Variants in INTS12 observed in about 807,000 individuals in gnomAD.
INTS12 encodes integrator complex subunit 12, also known as PHD finger protein 22.
INTS12 carries 13 observed loss-of-function variants against 41.6 expected under a neutral mutation model. That is an observed-to-expected ratio of 0.31 (90% confidence interval 0.20 to 0.50). INTS12 has a LOEUF of 0.50. Among genes scored for constraint, INTS12 ranks in the 20% least tolerant of loss-of-function variants. The pLI is 0.98. For synonymous variants in INTS12, 199 were observed against 191.4 expected (o/e 1.04, Z -0.33); for missense variants, 432 against 541.6 (o/e 0.80, Z 2.01).
Position 105,708,652 on chromosome 4 carries a change from C to T in INTS12, c.-186G>A. On this transcript the variant is annotated 5_prime_UTR_variant, in exon 1 of 8. Coordinates refer to ENST00000340139, the MANE Select transcript of INTS12 (RefSeq NM_020395.4). The stretch of plus-strand genomic sequence containing the variant: ...GCATAACTCACCGTTCCGCCCCGCC[C>T]TGCCGATCCGTCTGTTCCCGGTGGT... 1 of 965,064 alleles carries T rather than the reference C, an allele frequency of 1.0e-6. No individual in the cohort carries two copies. The highest frequency in any genetic ancestry group is 1.8e-5 in the African/African-American group (1 of 56,874). The allele number at this position is 965,064 out of a possible 1,614,324, so 59.8% of individuals were successfully genotyped here. A position where few individuals can be genotyped will look rare whatever the true frequency, so the allele number is the denominator to read the frequency against.
chr4:105,695,528 T>C lies in INTS12; in HGVS notation c.297A>G (p.Arg99=), dbSNP rs1731829749. 1 of 1,600,322 alleles carries C rather than the reference T, an allele frequency of 6.2e-7. No homozygotes were observed. Among genetic ancestry groups the C allele is most frequent in the Admixed American group, 1.8e-5 (1 of 56,126 alleles). Residue 99 remains arginine, a synonymous_variant, in exon 4 of 8, where the codon AGA becomes AGG. Transcript: ENST00000340139. Reference sequence around the variant, plus strand: ...AATAAAATCTTACTTTATCAGCAGGTCTCTTTTCAGCTTCCTTCTTTACCT... The same window carrying C: ...AATAAAATCTTACTTTATCAGCAGGCCTCTTTTCAGCTTCCTTCTTTACCT... ...TEKVKKEAEK[R]PADKMKSDIT...
chr4:105,704,131 ACT>A (rs1327066864), intron 1 of INTS12, among the ~76,000 whole-genome samples: 6 of 150,862 alleles, frequency 4.0e-5, no homozygotes, highest in African/African-American at 9.8e-5. Context: ...ATGCTTTTGT[ACT>A]CTTTTTCTTC....
intron 3 of INTS12, among the ~76,000 whole-genome samples, chr4:105,697,422 A>G (rs1731906782): frequency 1.3e-5 from 2 of 151,498 alleles, no homozygotes; most frequent in African/African-American, 4.8e-5. Context: ...CTGAGGGGGG[A>G]AGAGAAGAAA....
chr4:105,696,512 A>G (rs1336366320), intron 3 of INTS12, among the ~76,000 whole-genome samples: 1 of 152,136 alleles, frequency 6.6e-6, no homozygotes, highest in Non-Finnish European at 1.5e-5. Context: ...TTTGAGATTC[A>G]TCCATGTTGT....
intron 7 of INTS12, among the ~76,000 whole-genome samples, 197 bp downstream of exon 7, chr4:105,686,495 G>C (rs948861009): frequency 3.3e-5 from 5 of 152,118 alleles, no homozygotes; most frequent in Admixed American, 6.5e-5. Context: ...GTGATAAAAA[G>C]AAAAACAACA....
intron 6 of INTS12, chr4:105,687,103 A>T (rs1440057229): frequency 2.6e-6 from 1 of 390,242 alleles, no homozygotes; most frequent in Non-Finnish European, 4.6e-6. Context: ...TTTTAACAAG[A>T]TAAAATTGTT....
intron 2 of INTS12, among the ~76,000 whole-genome samples, chr4:105,703,352 G>A (rs1247170085): frequency 6.6e-6 from 1 of 152,186 alleles, no homozygotes; most frequent in Non-Finnish European, 1.5e-5. Context: ...GTATTGATAG[G>A]AGTGAATTCT....
At position 105,697,358 on chromosome 4, in the gene INTS12, G is replaced by A. The variant is rs1315928701; in HGVS notation, c.157-1690C>T. 2.0e-5 allele frequency among the ~76,000 whole-genome samples: 3 copies of A among 152,134 alleles called. No homozygotes were observed. In the East Asian group the frequency reaches 5.8e-4, roughly 29 times the overall value. On this transcript the variant is annotated intron_variant, in intron 3 of 7. Transcript: ENST00000340139. ...TATTTTACTGTGATAATATGTAAAAGTACAAAAGTATAAATGGGAATAATA... is the reference window on the plus strand; with the variant it reads ...TATTTTACTGTGATAATATGTAAAAATACAAAAGTATAAATGGGAATAATA...
intron 6 of INTS12, 99 bp downstream of exon 6, chr4:105,691,876 AT>A (rs1731699382): frequency 1.2e-6 from 1 of 864,510 alleles, no homozygotes; most frequent in Non-Finnish European, 1.7e-6. Context: ...TATATTATTT[AT>A]TTTTTCAATA....
chr4:105,688,870 C>G (rs1302035368), intron 6 of INTS12, among the ~76,000 whole-genome samples: 1 of 152,226 alleles, frequency 6.6e-6, no homozygotes, highest in African/African-American at 2.4e-5. Flanking sequence ...AAGAAATACC[C>G]ACAACCCTTT....
intron 5 of INTS12, among the ~76,000 whole-genome samples, chr4:105,692,483 C>CA (rs571586438): frequency 0.095 from 4,561 of 47,892 alleles, 236 homozygotes; most frequent in Non-Finnish European, 0.12. Context: ...GACTCTGTCT[C>CA]AAAAAAAAAA....
chr4:105,695,382 A>G, intron 4 of INTS12, 134 bp downstream of exon 4: 1 of 606,044 alleles, frequency 1.7e-6, no homozygotes, highest in Non-Finnish European at 2.7e-6. Flanking sequence ...CTATCAATAT[A>G]TATTCACTGA....
Position 105,695,519 on chromosome 4 carries a change from A to T in INTS12, c.306T>A (p.Asp102Glu). 6.3e-7 allele frequency: 1 copy of T among 1,593,046 alleles called. No individual in the cohort carries two copies. The highest frequency in any genetic ancestry group is 1.2e-5 in the South Asian group (1 of 86,158). The change falls in exon 4 of 8, where the codon GAT (aspartate) becomes GAA (glutamate). Residue 102 changes from aspartate (D) to glutamate (E), a missense_variant. Coordinates refer to ENST00000340139, the MANE Select transcript of INTS12 (RefSeq NM_020395.4). Reference protein sequence around the residue: ...VKKEAEKRPADKMKSDITEGV... With the variant: ...VKKEAEKRPAEKMKSDITEGV... The stretch of plus-strand genomic sequence containing the variant: ...CAAGATTAAAATAAAATCTTACTTT[A>T]TCAGCAGGTCTCTTTTCAGCTTCCT...
intron 2 of INTS12, among the ~76,000 whole-genome samples, chr4:105,700,494 G>A (rs1732025821): frequency 6.6e-6 from 1 of 151,144 alleles, no homozygotes; most frequent in Non-Finnish European, 1.5e-5. Flanking sequence ...TATATTAAGT[G>A]ATTAGCTATC....
chr4:105,695,996 G>C (rs538668281), intron 3 of INTS12, among the ~76,000 whole-genome samples: 37 of 152,174 alleles, frequency 2.4e-4, no homozygotes, highest in African/African-American at 6.7e-4. Context: ...TGGGACTACA[G>C]GTGCACCACC....
At chr4:105,703,368 G>A (rs1352753348) in intron 2 of INTS12, among the ~76,000 whole-genome samples, 1 of 152,198 alleles carries the variant, frequency 6.6e-6, no homozygotes, top group Non-Finnish European at 1.5e-5. Flanking sequence ...ATTCTTAGGT[G>A]ATGCTGGGAA....
intron 6 of INTS12, 21 bp downstream of exon 6, chr4:105,691,955 A>G: frequency 6.7e-7 from 1 of 1,493,538 alleles, no homozygotes; most frequent in South Asian, 1.4e-5. Flanking sequence ...TGTTTAAAAT[A>G]AAGAAAAATA....
chr4:105,708,454 G>A (rs1732382359), intron 1 of INTS12, 184 bp downstream of exon 1: 1 of 985,344 alleles, frequency 1.0e-6, no homozygotes, highest in Non-Finnish European at 1.2e-6. Flanking sequence ...TCCCTCGGAG[G>A]AAGCACAGTC....
chr4:105,702,126 A>ATT (rs1732097033), intron 2 of INTS12, among the ~76,000 whole-genome samples: 4 of 129,824 alleles, frequency 3.1e-5, no homozygotes, highest in Admixed American at 7.6e-5. Context: ...ATTTATTTCT[A>ATT]TTTCTTTTTT....
Sources: gnomAD v4.1 joint callset for allele counts (sites outside exome capture counted in the v4.1 genomes callset) on GRCh38, gnomAD v4.1.1 for gene constraint, MANE v1.5 for transcripts, NCBI Gene and HGNC (gene_info 2026-07-23, HGNC 2026-07-21) for gene names.